TPH1: variants seen among roughly 807,000 people sequenced by gnomAD.
TPH1 encodes the protein tryptophan 5-hydroxylase 1.
In TPH1, 37 loss-of-function variants were observed where a neutral mutation model predicts 49.5. That is an observed-to-expected ratio of 0.75 (90% CI 0.58 to 0.98). The LOEUF (loss-of-function observed/expected upper bound fraction) is 0.98. Among genes scored for constraint, TPH1 ranks in the 50% least tolerant of loss-of-function variants. The pLI, the probability that TPH1 is intolerant of heterozygous loss-of-function variation, is 0.00. For synonymous variants in TPH1, 160 were observed against 182.1 expected (o/e 0.88, Z 0.98); for missense variants, 487 against 523.6 (o/e 0.93, Z 0.68).
chr11:18,022,883 T>G lies in TPH1; in HGVS notation c.1075A>C (p.Thr359Pro). The change falls in exon 10 of 11, where the codon ACC becomes CCC. Residue 359 changes from threonine (T) to proline (P), a missense_variant. Thr to Pro is a conservative substitution (Grantham distance 38). Transcript: ENST00000682019. ...AKVKPFDPKITCKQECLITTF... is the reference protein window; with the variant it reads ...AKVKPFDPKIPCKQECLITTF... ...GTGATAAGACATTCCTGTTTGCAGGTAATCTTGGGATCAAAGGGCTTTACT... is the reference window on the plus strand; with the variant it reads ...GTGATAAGACATTCCTGTTTGCAGGGAATCTTGGGATCAAAGGGCTTTACT... 5 of 1,613,644 alleles carry G rather than the reference T, an allele frequency of 3.1e-6. No homozygotes were observed. Among genetic ancestry groups the G allele is most frequent in the Non-Finnish European group, 4.2e-6 (5 of 1,179,642 alleles).
intron 1 of TPH1, among the ~76,000 whole-genome samples, chr11:18,044,758 AAC>A (rs1554899864): frequency 7.9e-6 from 1 of 126,178 alleles, no homozygotes; most frequent in Admixed American, 7.6e-5. Flanking sequence ...AGGAAAACAA[AAC>A]AAAACAAAAC....
chr11:18,021,117 T>G lies in TPH1; in HGVS notation c.1209A>C (p.Pro403=), dbSNP rs1854357100. Residue 403 remains proline, a synonymous_variant, in exon 11 of 11, where the codon CCA becomes CCC. Transcript: ENST00000682019. ...IKRPFGVKYN[P]YTRSIQILKD... is the part of the protein sequence containing the mutation. ...TCAGGATCTGAATACTCCGTGTATA[T>G]GGATTATACTTCACTCCAAATGGAC... is the stretch of plus-strand genomic sequence containing the variant. The G allele has an allele frequency of 1.2e-6, 2 of 1,613,636 alleles. No homozygotes were observed. The highest frequency in any genetic ancestry group is 2.7e-5 in the African/African-American group (2 of 74,920).
At chr11:18,036,669 G>A (rs554873654) in intron 2 of TPH1, among the ~76,000 whole-genome samples, 3 of 152,160 alleles carry the variant, frequency 2.0e-5, no homozygotes, top group South Asian at 2.1e-4. Context: ...TAAGATGGGG[G>A]TGCTCTGTGT....
chr11:18,039,715 A>G (rs1416522749), intron 2 of TPH1, among the ~76,000 whole-genome samples: 1 of 152,160 alleles, frequency 6.6e-6, no homozygotes, highest in African/African-American at 2.4e-5. Flanking sequence ...CTGTGAGGAC[A>G]GGCACTGTGT....
chr11:18,029,293 T>C lies in TPH1; in HGVS notation c.539A>G (p.Glu180Gly), dbSNP rs1216657682. 5.6e-6 allele frequency: 9 copies of C among 1,613,948 alleles called. No homozygotes were observed. Among genetic ancestry groups the C allele is most frequent in the Non-Finnish European group, 7.6e-6 (9 of 1,180,002 alleles). ...ATGGGTTGGGTAGAGTTTGTTGAGC[T>C]CTTGGAATACGGTTCCCCAGGTCTT... Reference protein sequence around the residue: ...EIKTWGTVFQELNKLYPTHAC... With the variant: ...EIKTWGTVFQGLNKLYPTHAC... The change falls in exon 6 of 11, where the codon GAG becomes GGG. Residue 180 changes from glutamate (E) to glycine (G), a missense_variant. By Grantham distance (98) the Glu-to-Gly change is moderately conservative. Coordinates refer to ENST00000682019, the MANE Select transcript of TPH1 (RefSeq NM_004179.3).
At chr11:18,033,156 G>A (rs1229699213) in intron 4 of TPH1, 118 bp downstream of exon 4, 11 of 798,556 alleles carry the variant, frequency 1.4e-5, no homozygotes, top group Non-Finnish European at 2.4e-5. Flanking sequence ...GGGAGGCTAA[G>A]GCAGGAGAAT....
chr11:18,030,395 C>G (rs2134029165), intron 4 of TPH1, among the ~76,000 whole-genome samples: 1 of 150,870 alleles, frequency 6.6e-6, no homozygotes, highest in African/African-American at 2.4e-5. Flanking sequence ...GCATCCCAGC[C>G]TAGGCAATAG....
At chr11:18,022,982 A>T in intron 9 of TPH1, 51 bp from the exon 10 acceptor site, 1 of 1,598,738 alleles carries the variant, frequency 6.3e-7, no homozygotes, top group Admixed American at 1.7e-5. Context: ...TTTTTCATAG[A>T]TCATGCAACT....
chr11:18,029,460 T>G (rs1847962249), intron 5 of TPH1, 52 bp downstream of exon 5: 1 of 1,558,370 alleles, frequency 6.4e-7, no homozygotes, highest in African/African-American at 1.4e-5. Context: ...ATTTATTCTA[T>G]TCACTTATTT....
At chr11:18,031,053 T>C (rs1050776185) in intron 4 of TPH1, among the ~76,000 whole-genome samples, 2 of 152,176 alleles carry the variant, frequency 1.3e-5, no homozygotes, top group African/African-American at 4.8e-5. Context: ...ATCTCCATCA[T>C]CTAATTTCAG....
rs769083743 is a variant in TPH1 at position 18,029,192 on chromosome 11, A to G, written c.640T>C (p.Leu214=). 4.8e-5 allele frequency: 77 copies of G among 1,613,808 alleles called. No individual in the cohort carries two copies. The highest frequency in any genetic ancestry group is 3.3e-4 in the Middle Eastern group (2 of 6,084). The change falls in exon 6 of 11, where the codon TTG becomes CTG. Residue 214 remains leucine (L), a synonymous_variant. Transcript: ENST00000682019. The stretch of plus-strand genomic sequence containing the variant: ...TTTAAAAAGTTGGAGACATCTTCCA[A>G]TTGTGGGATATTATCCTCCCGATAT... The part of the protein sequence containing the change: ...CGYREDNIPQ[L]EDVSNFLKER...
intron 4 of TPH1, among the ~76,000 whole-genome samples, chr11:18,030,403 T>C (rs905493405): frequency 6.8e-6 from 1 of 147,026 alleles, no homozygotes; most frequent in Non-Finnish European, 1.5e-5. Context: ...GCCTAGGCAA[T>C]AGAGGGAGAC....
In TPH1 at chr11:18,018,898, T is replaced by C. The variant is rs1854326129; in HGVS notation, c.*2093A>G. The C allele has an allele frequency of 6.6e-6, 1 of 152,116 alleles. No individual in the cohort carries two copies. The highest frequency in any genetic ancestry group is 6.5e-5 in the Admixed American group (1 of 15,268). 9.4% of individuals were successfully genotyped at this position (152,116 alleles called of 1,614,324 possible). On this transcript the variant is annotated 3_prime_UTR_variant, in exon 11 of 11. Transcript: ENST00000682019. ...ATTTGTGTTATTTGCTATCTATTTT[T>C]TAATTTCCTTTTTCTACATGTTCTA...
At chr11:18,040,044 TACTATG>T (rs1389639558) in intron 2 of TPH1, among the ~76,000 whole-genome samples, 2 of 151,286 alleles carry the variant, frequency 1.3e-5, no homozygotes, top group Non-Finnish European at 2.9e-5. Flanking sequence ...TCATTAAATA[TACTATG>T]ACTATATCAT....
chr11:18,041,261 A>G (rs1848096483), intron 1 of TPH1: 1 of 157,366 alleles, frequency 6.4e-6, no homozygotes, highest in Non-Finnish European at 1.4e-5. Flanking sequence ...TTATTTTGTA[A>G]ACTAAAGGCC....
intron 2 of TPH1, among the ~76,000 whole-genome samples, chr11:18,038,476 ATATTC>A (rs1848067451): frequency 6.6e-6 from 1 of 152,226 alleles, no homozygotes; most frequent in Non-Finnish European, 1.5e-5. Context: ...CAAAGACTAC[ATATTC>A]TAAAGTGCAG....
At chr11:18,038,606 T>A (rs1181833996) in intron 2 of TPH1, among the ~76,000 whole-genome samples, 1 of 152,132 alleles carries the variant, frequency 6.6e-6, no homozygotes, top group East Asian at 1.9e-4. Flanking sequence ...AAATCAACGA[T>A]GATAGTGTAC....
Position 18,026,393 on chromosome 11 carries a change from C to CAAAAAAAAA in TPH1, c.803+88_803+96dup, listed in dbSNP as rs57335932. The CAAAAAAAAA allele has an allele frequency of 8.5e-5, 50 of 588,744 alleles. 2 individuals carry two copies. The highest frequency in any genetic ancestry group is 2.8e-4 in the African/African-American group (8 of 28,920). 36.5% of individuals were successfully genotyped at this position (588,744 alleles called of 1,614,324 possible). ...GCTAATTTATTTAATCCTCGCACAC[C>CAAAAAAAAA]AAAAAAAAAAAAAAAAAAAAAAAAG... On this transcript the variant is annotated intron_variant, in intron 7 of 10. Transcript: ENST00000682019.
rs1590259253 is a variant in TPH1 at position 18,022,704 on chromosome 11, C to T, written c.1160+94G>A. 8 of 1,437,618 alleles carry T rather than the reference C, an allele frequency of 5.6e-6. No individual in the cohort carries two copies. The East Asian group carries it at 1.9e-4, about 34-fold the overall frequency. The allele number at this position is 1,437,618 out of a possible 1,614,324, so 89.1% of individuals were successfully genotyped here. On this transcript the variant is annotated intron_variant, in intron 10 of 10. Transcript: ENST00000682019. ...CAGACAGAAGGCTCCTTGTGGGCTT[C>T]AAATTATCTAGCTGCTTACTTCTGT...
Sources: allele counts gnomAD v4.1 joint callset (sites outside exome capture counted in the v4.1 genomes callset), GRCh38; gene constraint gnomAD v4.1.1; transcripts MANE v1.5; gene names NCBI Gene and HGNC (gene_info 2026-07-23, HGNC 2026-07-21).